MDGA2: variants seen among roughly 807,000 people sequenced by gnomAD.
MDGA2 encodes MAM domain containing glycosylphosphatidylinositol anchor 2.
In MDGA2, 40 loss-of-function variants were observed where a neutral mutation model predicts 117.8. The observed-to-expected ratio is 0.34, with a 90% CI of 0.26 to 0.44. MDGA2 has a LOEUF of 0.44. MDGA2 is among the 20% of genes least tolerant of loss of function. The pLI is 1.00. For missense variants in MDGA2, 1,123 were observed against 1,250.6 expected (o/e 0.90, Z 1.54); for synonymous variants, 452 against 439.0 (o/e 1.03, Z -0.37).
At chr14:47,301,195 A>G (rs1344566547) in intron 2 of MDGA2, among the ~76,000 whole-genome samples, 2 of 152,086 alleles carry the variant, frequency 1.3e-5, no homozygotes, top group African/African-American at 4.8e-5. Context: ...CATCTTATAC[A>G]AAAGAATAGC....
At chr14:47,162,688 T>G (rs1359167262) in intron 3 of MDGA2, among the ~76,000 whole-genome samples, 1 of 152,164 alleles carries the variant, frequency 6.6e-6, no homozygotes, top group Admixed American at 6.5e-5. Flanking sequence ...CCGGTATTTG[T>G]ATATTATTTC....
rs1459894824 is a variant in MDGA2, at chr14:47,589,383, T to C, written c.280+85134A>G. Among the ~76,000 whole-genome samples, 11 of 152,020 alleles carry C rather than the reference T, an allele frequency of 7.2e-5. No individual in the cohort carries two copies. In the East Asian group the frequency reaches 2.1e-3, roughly 29 times the overall value. ...TATGGTGTAAAGGACAAGTCCAATG[T>C]CATTCTTTTGCATGTGCACATCCAT... On this transcript the variant is annotated intron_variant, in intron 1 of 16. Transcript: ENST00000399232.
intron 8 of MDGA2, among the ~76,000 whole-genome samples, chr14:47,033,909 T>C (rs1311799371): frequency 6.6e-6 from 1 of 152,192 alleles, no homozygotes; most frequent in Non-Finnish European, 1.5e-5. Context: ...TATGAAATAG[T>C]TCATTCATTC....
chr14:46,977,284 C>A (rs754985040), intron 8 of MDGA2, among the ~76,000 whole-genome samples: 55 of 151,210 alleles, frequency 3.6e-4, no homozygotes, highest in Non-Finnish European at 7.7e-4. Context: ...AAGGCCCTCA[C>A]TTTTTTCTTA....
At chr14:47,659,812 T>C (rs1165459615) in intron 1 of MDGA2, among the ~76,000 whole-genome samples, 1 of 152,204 alleles carries the variant, frequency 6.6e-6, no homozygotes. Context: ...TCACGAAATC[T>C]ATTAAACTCT....
At chr14:47,079,684 T>C (rs1890627263) in intron 6 of MDGA2, among the ~76,000 whole-genome samples, 1 of 142,960 alleles carries the variant, frequency 7.0e-6, no homozygotes, top group Non-Finnish European at 1.6e-5. Context: ...ATATGAATGT[T>C]GTCAAATATA....
At chr14:47,634,496 AAC>A (rs1162040197) in intron 1 of MDGA2, among the ~76,000 whole-genome samples, 1 of 152,136 alleles carries the variant, frequency 6.6e-6, no homozygotes, top group Non-Finnish European at 1.5e-5. Context: ...CAAATGTAAA[AAC>A]ACAGTCTTAG....
chr14:46,939,912 T>G (rs12897829), intron 9 of MDGA2, among the ~76,000 whole-genome samples: 127,684 of 152,114 alleles, frequency 0.84, 54,189 homozygotes, highest in African/African-American at 0.93. Context: ...GTGCATGCCT[T>G]GCTGAAAGCA....
intron 2 of MDGA2, among the ~76,000 whole-genome samples, chr14:47,251,605 C>T (rs1015280178): frequency 1.3e-5 from 2 of 152,140 alleles, no homozygotes; most frequent in East Asian, 1.9e-4. Flanking sequence ...TTGTTACTGT[C>T]ATTAAAAGTA....
At chr14:47,247,138 A>G (rs1887267402) in intron 2 of MDGA2, among the ~76,000 whole-genome samples, 1 of 151,782 alleles carries the variant, frequency 6.6e-6, no homozygotes, top group African/African-American at 2.4e-5. Context: ...TTTGGCCACA[A>G]GGAAAATTTA....
intron 1 of MDGA2, among the ~76,000 whole-genome samples, chr14:47,602,067 A>T (rs957784468): frequency 6.6e-6 from 1 of 152,208 alleles, no homozygotes; most frequent in Non-Finnish European, 1.5e-5. Flanking sequence ...ACGCTACATT[A>T]TTAACCTAAG....
chr14:47,498,850 T>C (rs901808738), intron 1 of MDGA2, among the ~76,000 whole-genome samples: 13 of 152,178 alleles, frequency 8.5e-5, no homozygotes. Flanking sequence ...ATATACCCTG[T>C]GTATTATTAC....
intron 1 of MDGA2, among the ~76,000 whole-genome samples, chr14:47,564,612 A>G (rs1895881685): frequency 1.3e-5 from 2 of 152,310 alleles, no homozygotes; most frequent in South Asian, 4.1e-4. Flanking sequence ...TGGAAGTTCA[A>G]TTCAAGATCA....
At position 46,967,835 on chromosome 14, in the gene MDGA2, A is replaced by G. The variant is rs565561701; in HGVS notation, c.1820-10192T>C. Among the ~76,000 whole-genome samples, 4 of 151,118 alleles carry G rather than the reference A, an allele frequency of 2.6e-5. No individual in the cohort carries two copies. In the South Asian group the frequency reaches 8.3e-4, roughly 31 times the overall value. On this transcript the variant is annotated intron_variant, in intron 8 of 16. Transcript: ENST00000399232. ...GCACAGTAAGAGATGGACAGCAATAACTAATAATAAAAGAATGATTATAAT... is the reference window on the plus strand; with the variant it reads ...GCACAGTAAGAGATGGACAGCAATAGCTAATAATAAAAGAATGATTATAAT...
intron 1 of MDGA2, among the ~76,000 whole-genome samples, chr14:47,314,166 G>A (rs1385988229): frequency 6.6e-6 from 1 of 152,124 alleles, no homozygotes; most frequent in Non-Finnish European, 1.5e-5. Flanking sequence ...CTGTGCCTCT[G>A]TTTCTGTATC....
intron 2 of MDGA2, among the ~76,000 whole-genome samples, chr14:47,290,863 C>G (rs1310246038): frequency 2.0e-5 from 3 of 151,850 alleles, no homozygotes; most frequent in African/African-American, 7.3e-5. Flanking sequence ...AGACTCCATT[C>G]TACTGTGAAT....
chr14:47,422,980 G>A (rs539906307), intron 1 of MDGA2, among the ~76,000 whole-genome samples: 4 of 152,216 alleles, frequency 2.6e-5, no homozygotes, highest in African/African-American at 7.2e-5. Flanking sequence ...AATCTTAAAC[G>A]ATTATTAATT....
intron 1 of MDGA2, among the ~76,000 whole-genome samples, chr14:47,495,828 C>A (rs1244290146): frequency 6.6e-6 from 1 of 152,148 alleles, no homozygotes; most frequent in Non-Finnish European, 1.5e-5. Flanking sequence ...CAAAGAAGAA[C>A]AAATTTTCAT....
At chr14:46,904,336 A>T (rs1228649620) in intron 10 of MDGA2, among the ~76,000 whole-genome samples, 1 of 149,950 alleles carries the variant, frequency 6.7e-6, no homozygotes, top group Non-Finnish European at 1.5e-5. Context: ...CATACCTGTG[A>T]GAGAGAGGGA....
Sources: allele counts gnomAD v4.1 joint callset (sites outside exome capture counted in the v4.1 genomes callset), GRCh38; gene constraint gnomAD v4.1.1; transcripts MANE v1.5; gene names NCBI Gene and HGNC (gene_info 2026-07-23, HGNC 2026-07-21).